The following SYNE1 variants were observed in gnomAD, a reference collection of about 807,000 sequenced individuals.
The protein encoded by SYNE1 is nesprin-1.
A neutral mutation model predicts 1,111.0 loss-of-function variants in SYNE1; 616 were observed. The observed-to-expected ratio is 0.55, with a 90% CI of 0.52 to 0.59. The LOEUF is 0.59. Ranked by LOEUF, SYNE1 falls within the 20% of genes least tolerant of loss-of-function variation. The probability of loss-of-function intolerance (pLI) is 0.00; values close to 1 mark genes in which losing one functional copy is unlikely to be tolerated. For synonymous variants in SYNE1, 3,855 were observed against 3,825.8 expected, an observed-to-expected ratio of 1.01 and a Z score of -0.28; for missense variants, 10,006 against 10,417.0, an observed-to-expected ratio of 0.96 and a Z score of 1.72.
chr6:152,208,815 C>A (rs1474063142), intron 124 of SYNE1, among the ~76,000 whole-genome samples: 2 of 152,306 alleles, frequency 1.3e-5, no homozygotes, highest in Non-Finnish European at 1.5e-5. Context: ...TGTAGGCTGA[C>A]TTCACTTTAT....
At position 152,458,750 on chromosome 6, in the gene SYNE1, T is replaced by C. The variant is rs1306881420; in HGVS notation, c.2568+7A>G. ...AATAATTGTCTCCTGAAAAGGATTG[T>C]TCTCACCTGATGTTTTTGTTTAAAA... On this transcript the variant is annotated splice_region_variant and intron_variant, in intron 22 of 145. Transcript: ENST00000367255. The C allele has an allele frequency of 1.9e-6, 3 of 1,613,824 alleles. No homozygotes were observed. The highest frequency in any genetic ancestry group is 2.5e-6 in the Non-Finnish European group (3 of 1,179,840).
intron 102 of SYNE1, 92 bp downstream of exon 102, chr6:152,256,542 G>T: frequency 6.4e-7 from 1 of 1,555,332 alleles, no homozygotes; most frequent in Non-Finnish European, 8.8e-7. Flanking sequence ...CTCAGGGGTG[G>T]ATGCAACAGT....
intron 143 of SYNE1, 125 bp from the exon 144 acceptor site, chr6:152,132,339 A>T: frequency 2.4e-6 from 2 of 847,916 alleles, no homozygotes; most frequent in Non-Finnish European, 4.0e-6. Flanking sequence ...AAATCAAACC[A>T]TTCCTTGGGG....
chr6:152,378,662 G>C (rs181344842), intron 56 of SYNE1, among the ~76,000 whole-genome samples: 1 of 152,094 alleles, frequency 6.6e-6, no homozygotes, highest in East Asian at 1.9e-4. Context: ...TCTTGATGCT[G>C]TTCCTCTACC....
chr6:152,409,320 C>T (rs547387624), intron 43 of SYNE1, 94 bp from the exon 44 acceptor site: 1 of 1,313,334 alleles, frequency 7.6e-7, no homozygotes, highest in Admixed American at 1.9e-5. Flanking sequence ...TCATAATTGA[C>T]CTTATGCAGA....
chr6:152,487,880 C>T (rs1046128557), intron 12 of SYNE1, among the ~76,000 whole-genome samples: 23 of 151,958 alleles, frequency 1.5e-4, no homozygotes, highest in Non-Finnish European at 2.5e-4. Flanking sequence ...TTGAGACCAT[C>T]CTGGCTAACA....
chr6:152,479,090 T>C (rs1165749667), intron 14 of SYNE1, among the ~76,000 whole-genome samples: 1 of 152,090 alleles, frequency 6.6e-6, no homozygotes, highest in African/African-American at 2.4e-5. Flanking sequence ...AGGAAGGTAC[T>C]TGACAAAGAG....
chr6:152,556,655 T>A (rs1160592062), intron 3 of SYNE1, among the ~76,000 whole-genome samples: 1 of 152,080 alleles, frequency 6.6e-6, no homozygotes, highest in Non-Finnish European at 1.5e-5. Flanking sequence ...GTCCAAAATA[T>A]CAACTCAGCC....
chr6:152,367,458 C>A, intron 61 of SYNE1, 76 bp from the exon 62 acceptor site: 1 of 1,563,998 alleles, frequency 6.4e-7, no homozygotes, highest in Non-Finnish European at 8.7e-7. Context: ...TTGTTTGAAA[C>A]AAAGGCAATC....
intron 40 of SYNE1, among the ~76,000 whole-genome samples, chr6:152,417,521 C>CAAAA (rs1554664101): frequency 0.019 from 2,944 of 151,748 alleles, 75 homozygotes; most frequent in African/African-American, 0.057. Context: ...AACAAACAAA[C>CAAAA]AAACACAACT....
Position 152,149,642 on chromosome 6 carries a change from G to A in SYNE1, c.24477C>T (p.Asn8159=). ...CAATTATCTGCTCAATCTTATTGTGGTTCAGTGAAATTTCCTGCTGGAAGG... is the reference window on the plus strand; with the variant it reads ...CAATTATCTGCTCAATCTTATTGTGATTCAGTGAAATTTCCTGCTGGAAGG... The part of the protein sequence containing the change: ...LKAFQQEISL[N]HNKIEQIIAQ... Residue 8159 remains asparagine, a synonymous_variant, in exon 136 of 146, where the codon AAC becomes AAT. Transcript: ENST00000367255. 6.2e-7 allele frequency: 1 copy of A among 1,613,998 alleles called. No individual in the cohort carries two copies.
intron 3 of SYNE1, among the ~76,000 whole-genome samples, chr6:152,597,378 A>G (rs755087662): frequency 1.7e-4 from 26 of 152,272 alleles, no homozygotes; most frequent in Admixed American, 5.2e-4. Context: ...TGTGGGTTCA[A>G]GTGATCCTTC....
rs147754365 is a variant in SYNE1, at chr6:152,331,655, C to G, written c.13030G>C (p.Glu4344Gln). 1.8e-5 allele frequency: 29 copies of G among 1,614,068 alleles called. No individual in the cohort carries two copies. The highest frequency in any genetic ancestry group is 2.4e-5 in the Non-Finnish European group (28 of 1,180,050). The stretch of plus-strand genomic sequence containing the variant: ...CTGGACTGCACCACATTTAACTCCT[C>G]CAAGTTGGTGACTGACACTTGGATT... Reference protein sequence around the residue: ...RKIQVSVTNLEELNVVQSRFQ... With the variant: ...RKIQVSVTNLQELNVVQSRFQ... Residue 4344 changes from glutamate to glutamine, a missense_variant, in exon 78 of 146, where the codon GAG becomes CAG. Coordinates refer to ENST00000367255, the MANE Select transcript of SYNE1 (RefSeq NM_182961.4).
chr6:152,489,816 C>A (rs1238608726), intron 11 of SYNE1, among the ~76,000 whole-genome samples: 1 of 152,158 alleles, frequency 6.6e-6, no homozygotes, highest in African/African-American at 2.4e-5. Context: ...CACTAGAAAT[C>A]ATCTGAGGGG....
rs980527299 is a variant in SYNE1, at chr6:152,427,766, G to A, written c.5027C>T (p.Ala1676Val). 1.9e-6 allele frequency: 3 copies of A among 1,614,064 alleles called. No homozygotes were observed. The highest frequency in any genetic ancestry group is 8.5e-7 in the Non-Finnish European group (1 of 1,180,018). ...SFLTWLERGE[A>V]KASSPEMDIS... Reference sequence around the variant, plus strand: ...GTCCATTTCTGGGGAACTGGCTTTAGCTTCACCCCGCTCTAACCAGGTCAA... The same window carrying A: ...GTCCATTTCTGGGGAACTGGCTTTAACTTCACCCCGCTCTAACCAGGTCAA... Residue 1676 changes from alanine (A) to valine (V), a missense_variant, in exon 38 of 146, where the codon GCT becomes GTT. Coordinates refer to ENST00000367255, the MANE Select transcript of SYNE1 (RefSeq NM_182961.4).
chr6:152,185,507 C>A (rs2069587090), intron 128 of SYNE1: 1 of 152,212 alleles, frequency 6.6e-6, no homozygotes, highest in Non-Finnish European at 1.5e-5. Flanking sequence ...TAATCTATAT[C>A]CTCCTTAGAG....
chr6:152,350,392 T>A, intron 71 of SYNE1, 57 bp from the exon 72 acceptor site: 1 of 1,610,896 alleles, frequency 6.2e-7, no homozygotes, highest in Non-Finnish European at 8.5e-7. Context: ...TACTCAAAAC[T>A]GTTTTGTATT....
At chr6:152,475,481 T>C (rs954357591) in intron 14 of SYNE1, among the ~76,000 whole-genome samples, 48 of 152,338 alleles carry the variant, frequency 3.2e-4, no homozygotes, top group African/African-American at 9.9e-4. Flanking sequence ...TCTCATGTCA[T>C]TGCTGAATGT....
At chr6:152,569,093 G>A (rs887269257) in intron 3 of SYNE1, among the ~76,000 whole-genome samples, 15 of 152,108 alleles carry the variant, frequency 9.9e-5, no homozygotes, top group African/African-American at 3.4e-4. Context: ...TCCTTAAAGT[G>A]CCCAGAGCAG....
Sources: allele counts gnomAD v4.1 joint callset (sites outside exome capture counted in the v4.1 genomes callset), GRCh38; gene constraint gnomAD v4.1.1; transcripts MANE v1.5; gene names NCBI Gene and HGNC (gene_info 2026-07-23, HGNC 2026-07-21).